ARHGEF7: variants seen among roughly 807,000 people sequenced by gnomAD.
The protein encoded by ARHGEF7 is PAK-interacting exchange factor beta.
Under a neutral mutation model 109.8 loss-of-function variants are expected in ARHGEF7, and 33 were observed. The observed-to-expected ratio is 0.30, with a 90% CI of 0.23 to 0.40. ARHGEF7 has a LOEUF of 0.40. ARHGEF7 is among the 10% of genes least tolerant of loss of function. The pLI is 1.00. For synonymous variants in ARHGEF7, 458 were observed against 424.6 expected (o/e 1.08, Z -0.97); for missense variants, 938 against 1,098.5 (o/e 0.85, Z 2.07).
intron 4 of ARHGEF7, 63 bp from the exon 5 acceptor site, chr13:111,217,616 C>A: frequency 7.0e-7 from 1 of 1,420,160 alleles, no homozygotes; most frequent in Non-Finnish European, 9.9e-7. Flanking sequence ...AAGTATAATC[C>A]ATTTTATAAT....
intron 2 of ARHGEF7, among the ~76,000 whole-genome samples, chr13:111,169,417 C>T (rs188630944): frequency 2.0e-5 from 3 of 152,236 alleles, no homozygotes; most frequent in Non-Finnish European, 4.4e-5. Flanking sequence ...GAAGCAGGCT[C>T]GTCTTAACTG....
intron 16 of ARHGEF7, among the ~76,000 whole-genome samples, chr13:111,284,735 T>G (rs958968914): frequency 6.6e-6 from 1 of 152,122 alleles, no homozygotes. Flanking sequence ...CGCCCAGCAG[T>G]AGCGTGGAGA....
intron 5 of ARHGEF7, among the ~76,000 whole-genome samples, chr13:111,227,350 C>T (rs2085348285): frequency 6.6e-6 from 1 of 152,218 alleles, no homozygotes; most frequent in African/African-American, 2.4e-5. Context: ...TACTGGCACA[C>T]TTCATTGTCT....
chr13:111,127,161 G>C (rs2067621762), intron 1 of ARHGEF7, among the ~76,000 whole-genome samples: 1 of 152,174 alleles, frequency 6.6e-6, no homozygotes, highest in South Asian at 2.1e-4. Context: ...CTACAACTTA[G>C]ATGAAATGGA....
chr13:111,153,540 T>G, intron 1 of ARHGEF7: 9 of 840,300 alleles, frequency 1.1e-5, no homozygotes, highest in Non-Finnish European at 1.3e-5. Flanking sequence ...CCAGAGGAGG[T>G]GGCAGCTCGC....
chr13:111,238,698 C>T (rs921399647), intron 6 of ARHGEF7, among the ~76,000 whole-genome samples: 1 of 151,556 alleles, frequency 6.6e-6, no homozygotes, highest in Non-Finnish European at 1.5e-5. Context: ...GGTTGGATGC[C>T]TAGGCTGGAG....
chr13:111,157,094 T>G (rs961122991), intron 2 of ARHGEF7, among the ~76,000 whole-genome samples: 2 of 152,196 alleles, frequency 1.3e-5, no homozygotes, highest in Non-Finnish European at 2.9e-5. Context: ...TTGTTTTGAT[T>G]ATGAAAATAT....
intron 15 of ARHGEF7, among the ~76,000 whole-genome samples, chr13:111,281,753 C>T (rs1437636949): frequency 6.6e-6 from 1 of 152,186 alleles, no homozygotes; most frequent in Non-Finnish European, 1.5e-5. Context: ...TATATCAAGT[C>T]AGCTTTTCTC....
intron 8 of ARHGEF7, among the ~76,000 whole-genome samples, chr13:111,267,291 G>A (rs2091733179): frequency 6.6e-6 from 1 of 152,168 alleles, no homozygotes; most frequent in African/African-American, 2.4e-5. Flanking sequence ...AAAGAACTTG[G>A]GCCTGAGGGT....
At chr13:111,293,010 G>T (rs2093337004) in intron 19 of ARHGEF7, 1 of 985,376 alleles carries the variant, frequency 1.0e-6, no homozygotes. Context: ...TCCAAAGGCA[G>T]AGCTTACTGT....
intron 19 of ARHGEF7, among the ~76,000 whole-genome samples, chr13:111,300,415 C>T: frequency 6.6e-6 from 1 of 152,178 alleles, no homozygotes; most frequent in East Asian, 1.9e-4. Flanking sequence ...AATAATGGCT[C>T]AAAATGGGAT....
chr13:111,186,473 A>C (rs2079267880), intron 2 of ARHGEF7, among the ~76,000 whole-genome samples: 1 of 152,034 alleles, frequency 6.6e-6, no homozygotes, highest in Admixed American at 6.5e-5. Context: ...GGGGTGTAGG[A>C]GTGGGTGGGA....
chr13:111,167,190 A>AT (rs2077197736), intron 2 of ARHGEF7, among the ~76,000 whole-genome samples: 1 of 152,138 alleles, frequency 6.6e-6, no homozygotes, highest in South Asian at 2.1e-4. Context: ...ACCATGCAAA[A>AT]ATAGGTTTGT....
intron 8 of ARHGEF7, among the ~76,000 whole-genome samples, chr13:111,259,163 T>A (rs2153571836): frequency 6.6e-6 from 1 of 152,296 alleles, no homozygotes; most frequent in Middle Eastern, 3.4e-3. Flanking sequence ...GAACTCACCG[T>A]CCTGAAGGAA....
chr13:111,228,137 G>C lies in ARHGEF7; in HGVS notation c.671-5068G>C, dbSNP rs2085475736. Among the ~76,000 whole-genome samples, 1 of 152,108 alleles carries C rather than the reference G, an allele frequency of 6.6e-6. No homozygotes were observed. Among genetic ancestry groups the C allele is most frequent in the South Asian group, 2.1e-4 (1 of 4,826 alleles). On this transcript the variant is annotated intron_variant, in intron 5 of 21. Transcript: ENST00000646102. The surrounding 1 kb of genome is among the most constrained non-coding windows in gnomAD (Gnocchi z 4.6). ...GGTCTGTGCTCTCTGCTCTCTACTG[G>C]CATCCAAAAAAGAGGAGGGGGCGCT...
intron 2 of ARHGEF7, 35 bp downstream of exon 2, chr13:111,154,026 CGGGAAGA>C: frequency 1.9e-6 from 3 of 1,576,358 alleles, no homozygotes; most frequent in Non-Finnish European, 2.6e-6. Context: ...AGGGAGGGGC[CGGGAAGA>C]CGGGGTTGGG....
In ARHGEF7 at chr13:111,293,526, AAG is replaced by A. The variant is rs1323280001; in HGVS notation, c.2311+1233_2311+1234del. 3.0e-6 allele frequency: 3 copies of A among 985,200 alleles called. No homozygotes were observed. The African/African-American group carries it at 5.2e-5, about 17-fold the overall frequency. 61.0% of individuals were successfully genotyped at this position (985,200 alleles called of 1,614,324 possible). ...CACTCAGACCAATTTCTGCTTCAAAAAGCACTGAATGTGACCTGTTGCATTCA... is the reference window on the plus strand; with the variant it reads ...CACTCAGACCAATTTCTGCTTCAAAACACTGAATGTGACCTGTTGCATTCA... On this transcript the variant is annotated intron_variant, in intron 19 of 21. Transcript: ENST00000646102.
intron 3 of ARHGEF7, among the ~76,000 whole-genome samples, chr13:111,206,092 TTAGAG>T (rs1313349791): frequency 1.3e-5 from 2 of 152,084 alleles, no homozygotes; most frequent in African/African-American, 2.4e-5. Context: ...TTTGGTCTTA[TTAGAG>T]TAATTTTTTT....
chr13:111,173,553 C>CT lies in ARHGEF7; in HGVS notation c.252+19563dup, dbSNP rs1395433874. Among the ~76,000 whole-genome samples, 6 of 152,328 alleles carry CT rather than the reference C, an allele frequency of 3.9e-5. No homozygotes were observed. The East Asian group carries it at 1.2e-3, about 29-fold the overall frequency. Reference sequence around the variant, plus strand: ...GTGGAGGGACAGGGCAGAGTGCTCACTGGGGACACAGTGTATTCACTGATT... The same window carrying CT: ...GTGGAGGGACAGGGCAGAGTGCTCACTTGGGGACACAGTGTATTCACTGATT... On this transcript the variant is annotated intron_variant, in intron 2 of 21. Transcript: ENST00000646102.
Sources: allele counts gnomAD v4.1 joint callset (sites outside exome capture counted in the v4.1 genomes callset), GRCh38; gene constraint gnomAD v4.1.1; non-coding constraint Gnocchi (gnomAD v3.1); transcripts MANE v1.5; gene names NCBI Gene and HGNC (gene_info 2026-07-23, HGNC 2026-07-21).